Variants in GALNT15 observed in about 807,000 individuals in gnomAD.
The protein encoded by GALNT15 is UDP-GalNAc transferase T15.
In GALNT15, 67 loss-of-function variants were observed where a neutral mutation model predicts 66.8. The ratio of observed to expected loss-of-function variants is 1.00; its 90% CI spans 0.82 to 1.23. GALNT15 has a LOEUF of 1.23. GALNT15 is among the 50% of genes most tolerant of loss of function. The probability of loss-of-function intolerance (pLI) is 0.00; values close to 1 mark genes in which losing one functional copy is unlikely to be tolerated. For synonymous variants in GALNT15, 313 were observed against 311.5 expected (o/e 1.00, Z -0.05); for missense variants, 827 against 804.3 (o/e 1.03, Z -0.34).
At position 16,227,210 on chromosome 3, in the gene GALNT15, GATCAAA is replaced by G. The variant is rs1339878502; in HGVS notation, c.1774-141_1774-136del. On this transcript the variant is annotated intron_variant, in intron 9 of 9. Transcript: ENST00000339732. The surrounding 1 kb of genome is among the most constrained non-coding windows in gnomAD (Gnocchi z 4.5). ...GGCTACCTAATTTATATTTTATGTTGATCAAAATACCACAATTCCTTTCCAGGCCAG... is the reference window on the plus strand; with the variant it reads ...GGCTACCTAATTTATATTTTATGTTGATACCACAATTCCTTTCCAGGCCAG... 209 of 866,124 alleles carry G rather than the reference GATCAAA, an allele frequency of 2.4e-4. 1 individual carries two copies. The highest frequency in any genetic ancestry group is 1.4e-3 in the Middle Eastern group (4 of 2,788). The allele number at this position is 866,124 out of a possible 1,614,324, so 53.7% of individuals were successfully genotyped here.
At chr3:16,226,159 A>T (rs1366610770) in intron 9 of GALNT15, among the ~76,000 whole-genome samples, 1 of 152,164 alleles carries the variant, frequency 6.6e-6, no homozygotes, top group East Asian at 1.9e-4. Flanking sequence ...ATAAATATAG[A>T]AAGTAGATTA....
At chr3:16,215,887 C>A (rs1288245003) in intron 6 of GALNT15, among the ~76,000 whole-genome samples, 1 of 111,924 alleles carries the variant, frequency 8.9e-6, no homozygotes, top group Non-Finnish European at 1.7e-5. Context: ...TCCAGCCTGG[C>A]AACAGAGGGA....
chr3:16,221,030 C>A (rs978035016), intron 8 of GALNT15, among the ~76,000 whole-genome samples: 1 of 152,214 alleles, frequency 6.6e-6, no homozygotes, highest in African/African-American at 2.4e-5. Flanking sequence ...ATTGTTCAAG[C>A]TTTGCAGTCA....
At chr3:16,237,590 T>A in the GALNT15 span, among the ~76,000 whole-genome samples, 1 of 152,236 alleles carries the variant, frequency 6.6e-6, no homozygotes, top group Non-Finnish European at 1.5e-5. The surrounding 1 kb of genome is among the most constrained non-coding windows in gnomAD (Gnocchi z 4.2). Flanking sequence ...GCTGTGCAGA[T>A]CTGAGTACCC....
the GALNT15 span, among the ~76,000 whole-genome samples, chr3:16,247,846 T>G: frequency 6.6e-6 from 1 of 152,190 alleles, no homozygotes; most frequent in Admixed American, 6.5e-5. Context: ...GGATCTAACC[T>G]TGTGCTCATG....
the GALNT15 span, among the ~76,000 whole-genome samples, chr3:16,239,504 C>T: frequency 1.3e-5 from 2 of 152,160 alleles, no homozygotes; most frequent in Admixed American, 1.3e-4. The surrounding 1 kb of genome is among the most constrained non-coding windows in gnomAD (Gnocchi z 5.2). Context: ...AGCTCCTGCC[C>T]TCTGCCCAAG....
At chr3:16,201,335 C>T (rs1020673950) in intron 3 of GALNT15, among the ~76,000 whole-genome samples, 1 of 152,076 alleles carries the variant, frequency 6.6e-6, no homozygotes, top group East Asian at 1.9e-4. Flanking sequence ...GCGCCCGCCA[C>T]CACACCCGGC....
Position 16,229,427 on chromosome 3 carries a change from C to T in GALNT15, c.*1927C>T, listed in dbSNP as rs906901230. 9.8e-6 allele frequency: 9 copies of T among 918,728 alleles called. No homozygotes were observed. Among genetic ancestry groups the T allele is most frequent in the African/African-American group, 5.4e-5 (3 of 55,752 alleles). 56.9% of individuals were successfully genotyped at this position (918,728 alleles called of 1,614,324 possible). A position where few individuals can be genotyped will look rare whatever the true frequency, so the allele number is the denominator to read the frequency against. ...CTAGGGTCTACTTCTACTGTATTGG[C>T]GAGCATGGATATAGAACATTTCATC... On this transcript the variant is annotated 3_prime_UTR_variant, in exon 10 of 10. Coordinates refer to ENST00000339732, the MANE Select transcript of GALNT15 (RefSeq NM_054110.5).
At chr3:16,223,262 C>T (rs2063967359) in intron 9 of GALNT15, among the ~76,000 whole-genome samples, 1 of 152,082 alleles carries the variant, frequency 6.6e-6, no homozygotes, top group Admixed American at 6.5e-5. Flanking sequence ...CCCTATTACC[C>T]TGGGGGAAAG....
intron 9 of GALNT15, among the ~76,000 whole-genome samples, chr3:16,226,938 C>T (rs1223588461): frequency 6.6e-6 from 1 of 152,152 alleles, no homozygotes; most frequent in Non-Finnish European, 1.5e-5. Flanking sequence ...TTGCTCACTA[C>T]CACAGCCTGG....
chr3:16,188,708 T>A lies in GALNT15; in HGVS notation c.540-7052T>A, dbSNP rs1007635214. On this transcript the variant is annotated intron_variant, in intron 1 of 9. Transcript: ENST00000339732. This position sits in a 1 kb window ranked among gnomAD's most constrained non-coding sequence, Gnocchi z 4.6. Reference sequence around the variant, plus strand: ...CTAGGTTTCCAGTGGCTTCTCTGAATTGCTGCTCAAACCCTCCTCCTAGTT... The same window carrying A: ...CTAGGTTTCCAGTGGCTTCTCTGAAATGCTGCTCAAACCCTCCTCCTAGTT... Among the ~76,000 whole-genome samples the A allele has an allele frequency of 6.6e-6, 1 of 152,162 alleles. No homozygotes were observed. The highest frequency in any genetic ancestry group is 2.4e-5 in the African/African-American group (1 of 41,432).
rs544814870 is a variant in GALNT15, at chr3:16,187,732, T to G, written c.540-8028T>G. Among the ~76,000 whole-genome samples the G allele has an allele frequency of 3.2e-4, 49 of 152,312 alleles. No homozygotes were observed. Among genetic ancestry groups the G allele is most frequent in the African/African-American group, 1.1e-3 (44 of 41,570 alleles). On this transcript the variant is annotated intron_variant, in intron 1 of 9. Transcript: ENST00000339732. The surrounding 1 kb of genome is among the most constrained non-coding windows in gnomAD (Gnocchi z 5.1). ...TGAACAGATATGTTGTGACCATCTT[T>G]GCACACATGAAAATTCCTATTTCAA...
chr3:16,245,539 T>G, the GALNT15 span, among the ~76,000 whole-genome samples: 1 of 152,258 alleles, frequency 6.6e-6, no homozygotes. Context: ...AAGAAATTCT[T>G]TCCAGTTTTC....
At position 16,228,538 on chromosome 3, in the gene GALNT15, G is replaced by A; in HGVS notation, c.*1038G>A. ...TACCTGTAATCCCAGCTACTTGGGA[G>A]GCTGAGGCAAGAGAATCGCTTGAAC... On this transcript the variant is annotated 3_prime_UTR_variant, in exon 10 of 10. Transcript: ENST00000339732. The A allele has an allele frequency of 1.5e-6, 1 of 650,690 alleles. No homozygotes were observed. The highest frequency in any genetic ancestry group is 8.0e-4 in the Middle Eastern group (1 of 1,254). The allele number at this position is 650,690 out of a possible 1,614,324, so 40.3% of individuals were successfully genotyped here.
chr3:16,211,267 G>A lies in GALNT15; in HGVS notation c.1197+26G>A. On this transcript the variant is annotated intron_variant, in intron 5 of 9. Transcript: ENST00000339732. The surrounding 1 kb of genome is among the most constrained non-coding windows in gnomAD (Gnocchi z 4.3). Reference sequence around the variant, plus strand: ...GTATGTCCTGGACCAAGGGAGGACAGAGGTGGGATCTCTGGAGTGGTGTGT... The same window carrying A: ...GTATGTCCTGGACCAAGGGAGGACAAAGGTGGGATCTCTGGAGTGGTGTGT... 6.9e-7 allele frequency: 1 copy of A among 1,451,596 alleles called. No homozygotes were observed. Among genetic ancestry groups the A allele is most frequent in the East Asian group, 2.3e-5 (1 of 44,088 alleles). The allele number at this position is 1,451,596 out of a possible 1,614,324, so 89.9% of individuals were successfully genotyped here.
At chr3:16,178,478 G>A (rs1437901598) in intron 1 of GALNT15, among the ~76,000 whole-genome samples, 3 of 152,206 alleles carry the variant, frequency 2.0e-5, no homozygotes, top group Non-Finnish European at 2.9e-5. Flanking sequence ...GGTTCTCACG[G>A]AACGGCCGCC....
chr3:16,241,005 C>T, the GALNT15 span, among the ~76,000 whole-genome samples: 3 of 152,146 alleles, frequency 2.0e-5, no homozygotes, highest in Admixed American at 2.0e-4. This position sits in a 1 kb window ranked among gnomAD's most constrained non-coding sequence, Gnocchi z 4.6. Context: ...AATGCCCTTC[C>T]CTCCGTTTGC....
chr3:16,238,638 A>G, the GALNT15 span, among the ~76,000 whole-genome samples: 2 of 152,316 alleles, frequency 1.3e-5, no homozygotes, highest in African/African-American at 2.4e-5. This position sits in a 1 kb window ranked among gnomAD's most constrained non-coding sequence, Gnocchi z 4.8. Context: ...TCCTAAGGCT[A>G]TGCAACTTCC....
At chr3:16,213,833 G>A (rs2124890092) in intron 6 of GALNT15, among the ~76,000 whole-genome samples, 1 of 152,334 alleles carries the variant, frequency 6.6e-6, no homozygotes, top group East Asian at 1.9e-4. Context: ...CCATAGAGCA[G>A]CCCCAGAGCT....
Sources: gnomAD v4.1 joint callset for allele counts (sites outside exome capture counted in the v4.1 genomes callset) on GRCh38, gnomAD v4.1.1 for gene constraint, Gnocchi (gnomAD v3.1) non-coding constraint, MANE v1.5 for transcripts, NCBI Gene and HGNC (gene_info 2026-07-23, HGNC 2026-07-21) for gene names.